Variants in NDNF observed in about 807,000 individuals in gnomAD.
NDNF encodes the protein protein NDNF.
NDNF carries 16 observed loss-of-function variants against 42.0 expected under a neutral mutation model. That is an observed-to-expected ratio of 0.38 (90% CI 0.26 to 0.58). The LOEUF (loss-of-function observed/expected upper bound fraction) is 0.58, where lower values mean the gene tolerates loss of function less well. NDNF is among the 20% of genes least tolerant of loss of function. NDNF has a pLI of 0.67. For synonymous variants in NDNF, 248 were observed against 251.7 expected, an observed-to-expected ratio of 0.99 and a Z score of 0.14; for missense variants, 616 against 666.2, an observed-to-expected ratio of 0.92 and a Z score of 0.83.
chr4:121,056,941 G>T (rs1234913659), intron 1 of NDNF, among the ~76,000 whole-genome samples: 1 of 152,184 alleles, frequency 6.6e-6, no homozygotes, highest in Admixed American at 6.5e-5. Context: ...ACAGAAAAGA[G>T]CAAGTGTGGT....
intron 1 of NDNF, among the ~76,000 whole-genome samples, chr4:121,060,752 C>A (rs1727391238): frequency 6.6e-6 from 1 of 152,172 alleles, no homozygotes; most frequent in Non-Finnish European, 1.5e-5. Flanking sequence ...CCTAATCCCA[C>A]ATTTACCCAA....
At chr4:121,045,505 C>G in intron 2 of NDNF, 145 bp downstream of exon 2, 1 of 633,560 alleles carries the variant, frequency 1.6e-6, no homozygotes, top group Admixed American at 2.9e-5. Flanking sequence ...GTTGCACTGC[C>G]ATGTTCCCCC....
chr4:121,061,679 C>T (rs554553549), intron 1 of NDNF, among the ~76,000 whole-genome samples: 1 of 151,974 alleles, frequency 6.6e-6, no homozygotes, highest in African/African-American at 2.4e-5. Flanking sequence ...CCCCCACCAA[C>T]GATTATGTAA....
intron 1 of NDNF, among the ~76,000 whole-genome samples, chr4:121,059,847 G>A (rs1398592302): frequency 6.6e-6 from 1 of 152,182 alleles, no homozygotes; most frequent in Non-Finnish European, 1.5e-5. Flanking sequence ...CCCAGGAGAC[G>A]TTGATGCTGA....
chr4:121,056,360 T>C (rs1246421975), intron 1 of NDNF, among the ~76,000 whole-genome samples: 1 of 152,206 alleles, frequency 6.6e-6, no homozygotes, highest in Non-Finnish European at 1.5e-5. Context: ...TGGCAGCGTC[T>C]TTAGGATGGA....
chr4:121,050,863 T>C (rs886142163), intron 1 of NDNF, among the ~76,000 whole-genome samples: 2 of 152,174 alleles, frequency 1.3e-5, no homozygotes, highest in Non-Finnish European at 2.9e-5. Context: ...ATTGGTGATA[T>C]GAGATTTTTC....
chr4:121,054,239 A>C (rs568878131), intron 1 of NDNF, among the ~76,000 whole-genome samples: 5 of 152,340 alleles, frequency 3.3e-5, no homozygotes, highest in African/African-American at 1.2e-4. Flanking sequence ...GGTCTGAAAA[A>C]ATATGTATCT....
chr4:121,049,828 A>G (rs1404480856), intron 1 of NDNF, among the ~76,000 whole-genome samples: 1 of 152,190 alleles, frequency 6.6e-6, no homozygotes, highest in Non-Finnish European at 1.5e-5. Context: ...AGTTTTAACC[A>G]TCTCAATTGC....
Position 121,071,136 on chromosome 4 carries a change from G to A in NDNF, c.-2+857C>T, listed in dbSNP as rs571663239. Among the ~76,000 whole-genome samples, 25 of 152,298 alleles carry A rather than the reference G, an allele frequency of 1.6e-4. No homozygotes were observed. The South Asian group carries it at 5.2e-3, about 32-fold the overall frequency. Reference sequence around the variant, plus strand: ...GGACTCCTAGGTTATCGGGGCCGCGGCGACTCCGCTCAGTTAGAAAGGTAG... The same window carrying A: ...GGACTCCTAGGTTATCGGGGCCGCGACGACTCCGCTCAGTTAGAAAGGTAG... On this transcript the variant is annotated intron_variant, in intron 1 of 3. Transcript: ENST00000379692.
intron 1 of NDNF, among the ~76,000 whole-genome samples, chr4:121,050,283 C>T (rs1160233457): frequency 6.6e-6 from 1 of 152,090 alleles, no homozygotes; most frequent in Admixed American, 6.5e-5. Flanking sequence ...TAAGCATAAG[C>T]CTTAAATTGC....
Position 121,036,246 on chromosome 4 carries a change from A to G in NDNF, c.*18T>C. 1.3e-6 allele frequency: 2 copies of G among 1,558,812 alleles called. No individual in the cohort carries two copies. Among genetic ancestry groups the G allele is most frequent in the Non-Finnish European group, 1.7e-6 (2 of 1,154,446 alleles). On this transcript the variant is annotated 3_prime_UTR_variant, in exon 4 of 4. Transcript: ENST00000379692. ...TCCCTCCTGGAGTTCTACATAATAT[A>G]TCTCTATAAGAAGGTAACTAACAGA...
Position 121,037,469 on chromosome 4 carries a change from C to T in NDNF, c.502G>A (p.Glu168Lys). The change falls in exon 4 of 4, where the codon GAA (glutamate) becomes AAA (lysine). Residue 168 changes from glutamate to lysine, a missense_variant. Transcript: ENST00000379692. ...HFKVYATTTP[E>K]SDQPYPELPY... ...AACTCAGGGTATGGCTGATCAGATT[C>T]TGGAGTTGTGGTGGCATATACTTTG... 6.2e-7 allele frequency: 1 copy of T among 1,614,108 alleles called. No individual in the cohort carries two copies. Among genetic ancestry groups the T allele is most frequent in the Non-Finnish European group, 8.5e-7 (1 of 1,180,018 alleles).
intron 1 of NDNF, among the ~76,000 whole-genome samples, chr4:121,054,247 T>C (rs1727248130): frequency 6.6e-6 from 1 of 152,180 alleles, no homozygotes; most frequent in South Asian, 2.1e-4. Flanking sequence ...AAAATATGTA[T>C]CTTAGGAACT....
At chr4:121,042,464 A>C (rs931167098) in intron 2 of NDNF, among the ~76,000 whole-genome samples, 3 of 152,238 alleles carry the variant, frequency 2.0e-5, no homozygotes, top group African/African-American at 7.2e-5. Flanking sequence ...TGCAAAAGCA[A>C]CTTATTCATA....
chr4:121,057,309 T>G (rs748724726), intron 1 of NDNF, among the ~76,000 whole-genome samples: 1 of 152,180 alleles, frequency 6.6e-6, no homozygotes, highest in African/African-American at 2.4e-5. Flanking sequence ...TACAGAGTCA[T>G]GGGATTTTGG....
Position 121,051,927 on chromosome 4 carries a change from T to C in NDNF, c.-1-6089A>G, listed in dbSNP as rs900602691. 2.0e-5 allele frequency among the ~76,000 whole-genome samples: 3 copies of C among 152,182 alleles called. No individual in the cohort carries two copies. The South Asian group carries it at 6.2e-4, about 31-fold the overall frequency. On this transcript the variant is annotated intron_variant, in intron 1 of 3. Transcript: ENST00000379692. Reference sequence around the variant, plus strand: ...TCTGAGCAATTCAAACAATTGCAAATCTGGTAGATAGAAAGTTCTTTTGGG... The same window carrying C: ...TCTGAGCAATTCAAACAATTGCAAACCTGGTAGATAGAAAGTTCTTTTGGG...
chr4:121,055,586 G>A (rs753958673), intron 1 of NDNF, among the ~76,000 whole-genome samples: 10 of 151,212 alleles, frequency 6.6e-5, no homozygotes, highest in Non-Finnish European at 1.0e-4. Flanking sequence ...TTAAAAACTG[G>A]TTATTATATT....
intron 1 of NDNF, among the ~76,000 whole-genome samples, chr4:121,062,731 T>G (rs1727434362): frequency 6.6e-6 from 1 of 152,190 alleles, no homozygotes; most frequent in African/African-American, 2.4e-5. Context: ...TTTTTATTTT[T>G]TTAAGGGAAG....
At chr4:121,071,337 G>A (rs1163577780) in intron 1 of NDNF, 3 of 152,116 alleles carry the variant, frequency 2.0e-5, no homozygotes, top group Non-Finnish European at 4.4e-5. Flanking sequence ...AACGATGCTC[G>A]CCTACCACGC....
Sources: allele counts gnomAD v4.1 joint callset (sites outside exome capture counted in the v4.1 genomes callset), GRCh38; gene constraint gnomAD v4.1.1; transcripts MANE v1.5; gene names NCBI Gene and HGNC (gene_info 2026-07-23, HGNC 2026-07-21).